The following ZNF658 variants were observed in gnomAD, a reference collection of about 807,000 sequenced individuals.
ZNF658 encodes zinc finger protein 658.
A neutral mutation model predicts 78.0 loss-of-function variants in ZNF658; 46 were observed. That is an observed-to-expected ratio of 0.59 (90% confidence interval 0.47 to 0.75). The LOEUF is 0.75. Ranked by LOEUF, ZNF658 falls within the 30% of genes least tolerant of loss-of-function variation. The pLI, the probability that ZNF658 is intolerant of heterozygous loss-of-function variation, is 0.00. For synonymous variants in ZNF658, 279 were observed against 408.4 expected, an observed-to-expected ratio of 0.68 and a Z score of 3.82; for missense variants, 785 against 1,189.3, an observed-to-expected ratio of 0.66 and a Z score of 5.00.
intron 2 of ZNF658, among the ~76,000 whole-genome samples, chr9:66,906,255 C>T (rs1353359253): frequency 1.3e-5 from 2 of 151,518 alleles, no homozygotes; most frequent in Non-Finnish European, 2.9e-5. Flanking sequence ...CCAGTTCACC[C>T]CAAACCTTAG....
chr9:66,908,148 T>C, intron 2 of ZNF658, 90 bp from the exon 3 acceptor site: 1 of 1,606,834 alleles, frequency 6.2e-7, no homozygotes, highest in Non-Finnish European at 8.5e-7. Flanking sequence ...TTCATTTTAG[T>C]AGTAGCTCTC....
chr9:66,910,580 A>C (rs1233634855), intron 4 of ZNF658, among the ~76,000 whole-genome samples: 2 of 152,042 alleles, frequency 1.3e-5, no homozygotes, highest in African/African-American at 4.8e-5. Flanking sequence ...AGGCCAAGGC[A>C]GACAGATCAC....
At chr9:66,915,235 C>T (rs1822308426) in intron 4 of ZNF658, among the ~76,000 whole-genome samples, 1 of 152,066 alleles carries the variant, frequency 6.6e-6, no homozygotes, top group Non-Finnish European at 1.5e-5. Flanking sequence ...TCGTAAATAT[C>T]CTTTTCACTG....
At chr9:66,917,732 A>T in intron 4 of ZNF658, 73 bp from the exon 5 acceptor site, 1 of 1,466,098 alleles carries the variant, frequency 6.8e-7, no homozygotes, top group Non-Finnish European at 9.0e-7. Flanking sequence ...AACCAAAATC[A>T]AAATATGAGT....
intron 4 of ZNF658, among the ~76,000 whole-genome samples, chr9:66,910,288 T>C (rs539994227): frequency 1.6e-4 from 24 of 152,264 alleles, no homozygotes; most frequent in Non-Finnish European, 3.2e-4. Context: ...TAAAAAGTTA[T>C]AGTTTTCAAT....
intron 4 of ZNF658, among the ~76,000 whole-genome samples, chr9:66,916,370 G>A (rs982695217): frequency 5.9e-5 from 9 of 151,486 alleles, no homozygotes; most frequent in Admixed American, 5.9e-4. Context: ...ATAAATTTGT[G>A]TTTACTGATT....
In ZNF658 at chr9:66,917,420, AC is replaced by A. The variant is rs1408553238; in HGVS notation, c.239-384del. 2.2e-5 allele frequency among the ~76,000 whole-genome samples: 2 copies of A among 92,566 alleles called. 1 individual carries two copies. The highest frequency in any genetic ancestry group is 4.3e-5 in the Non-Finnish European group (2 of 46,636). 60.7% of individuals were successfully genotyped at this position (92,566 alleles called of 152,430 possible). A position where few individuals can be genotyped will look rare whatever the true frequency, so the allele number is the denominator to read the frequency against. On this transcript the variant is annotated intron_variant, in intron 4 of 4. Coordinates refer to ENST00000621410, the MANE Select transcript of ZNF658 (RefSeq NM_033160.7). ...CAGAAACAATAGAATAAAATACATA[AC>A]AAAACAGGGGCCGGGCACAGTGGCT... is the stretch of plus-strand genomic sequence containing the variant.
chr9:66,907,432 C>T (rs1822104973), intron 2 of ZNF658, among the ~76,000 whole-genome samples: 3 of 152,080 alleles, frequency 2.0e-5, no homozygotes, highest in Non-Finnish European at 4.4e-5. Context: ...AGTCATCATC[C>T]TGTGCAATAG....
intron 6 of ZNF658, among the ~76,000 whole-genome samples, chr9:66,928,904 C>T (rs1295776756): frequency 6.8e-6 from 1 of 146,804 alleles, no homozygotes; most frequent in Non-Finnish European, 1.5e-5. Context: ...CTGTGTTTTA[C>T]ACGTGTCAAA....
chr9:66,919,444 G>T lies in ZNF658; in HGVS notation c.1878G>T (p.Gly626=). Residue 626 remains glycine, a synonymous_variant, in exon 5 of 5, where the codon GGG becomes GGT. Transcript: ENST00000621410. ...ALRAHHRIHT[G]EKPYECNECG... is the part of the protein sequence containing the mutation. Reference sequence around the variant, plus strand: ...GAGCACATCATAGAATTCACACGGGGGAGAAACCTTATGAATGTAATGAAT... The same window carrying T: ...GAGCACATCATAGAATTCACACGGGTGAGAAACCTTATGAATGTAATGAAT... 6.3e-7 allele frequency: 1 copy of T among 1,598,450 alleles called. No individual in the cohort carries two copies. Among genetic ancestry groups the T allele is most frequent in the Non-Finnish European group, 8.5e-7 (1 of 1,175,950 alleles).
intron 4 of ZNF658, among the ~76,000 whole-genome samples, chr9:66,909,860 A>C (rs1822172308): frequency 6.6e-6 from 1 of 152,232 alleles, no homozygotes; most frequent in Non-Finnish European, 1.5e-5. Flanking sequence ...TAGTTTAAAC[A>C]ACAGAAATTC....
At chr9:66,914,199 T>C (rs1472581082) in intron 4 of ZNF658, among the ~76,000 whole-genome samples, 1 of 151,016 alleles carries the variant, frequency 6.6e-6, no homozygotes, top group Non-Finnish European at 1.5e-5. Flanking sequence ...CTTTGATTTC[T>C]TTCATCAATG....
At chr9:66,903,259 G>C (rs1246479596) in intron 1 of ZNF658, 8 of 394,598 alleles carry the variant, frequency 2.0e-5, no homozygotes, top group Non-Finnish European at 3.7e-5. Flanking sequence ...TTCAGGTGTG[G>C]CTATCTTTGA....
downstream of ZNF658, among the ~76,000 whole-genome samples, chr9:66,926,343 C>CA (rs1487593115): frequency 1.3e-5 from 2 of 149,620 alleles, no homozygotes; most frequent in East Asian, 2.0e-4. Context: ...AAAGACTCCA[C>CA]AAAAAACTGT....
At chr9:66,901,634 G>A (rs1236827438) in intron 1 of ZNF658, among the ~76,000 whole-genome samples, 3 of 151,954 alleles carry the variant, frequency 2.0e-5, no homozygotes. Context: ...GAAAGATAAG[G>A]CAAAACACAA....
At chr9:66,925,868 G>A (rs1452195600), downstream of ZNF658, among the ~76,000 whole-genome samples, 2 of 149,294 alleles carry the variant, frequency 1.3e-5, no homozygotes, top group African/African-American at 4.9e-5. Flanking sequence ...AAATTTAACA[G>A]CAAATTAATA....
chr9:66,903,032 G>A (rs1271176182), intron 1 of ZNF658: 1 of 157,744 alleles, frequency 6.3e-6, no homozygotes, highest in African/African-American at 2.4e-5. Flanking sequence ...CGGCTGAGTA[G>A]TTCTTTGACA....
rs1253287611 is a variant in ZNF658, at chr9:66,918,004, G to T, written c.438G>T (p.Leu146Phe). 20 of 1,592,534 alleles carry T rather than the reference G, an allele frequency of 1.3e-5. No homozygotes were observed. Among genetic ancestry groups the T allele is most frequent in the Admixed American group, 3.6e-5 (2 of 54,926 alleles). The change falls in exon 5 of 5, where the codon TTG (leucine) becomes TTT (phenylalanine). Residue 146 changes from leucine to phenylalanine, a missense_variant. Leu to Phe is a conservative substitution (Grantham distance 22). This residue lies in a region of ZNF658 where 54 missense variants were observed against 48.9 expected (regional missense o/e 1.10). Transcript: ENST00000621410. The stretch of plus-strand genomic sequence containing the variant: ...AATGTGACTCACACAGAATGAATTT[G>T]CCAGTTGCTTCTCAATTAATTATAA... ...SCKCDSHRMNLPVASQLIISE... is the reference protein window; with the variant it reads ...SCKCDSHRMNFPVASQLIISE...
intron 4 of ZNF658, among the ~76,000 whole-genome samples, chr9:66,913,590 T>TAA (rs1822266074): frequency 6.6e-6 from 1 of 152,134 alleles, no homozygotes; most frequent in Admixed American, 6.5e-5. Flanking sequence ...TTAATTTTGA[T>TAA]AAAGTCCAAC....
Sources: gnomAD v4.1 joint callset for allele counts (sites outside exome capture counted in the v4.1 genomes callset) on GRCh38, gnomAD v4.1.1 for gene constraint, gnomAD v4.1.1 regional missense constraint, MANE v1.5 for transcripts, NCBI Gene and HGNC (gene_info 2026-07-23, HGNC 2026-07-21) for gene names.